The following ABCA5 variants were observed in gnomAD, a reference collection of about 807,000 sequenced individuals.
ABCA5 encodes the protein ATP binding cassette subfamily A member 5.
Under a neutral mutation model 206.0 loss-of-function variants are expected in ABCA5, and 163 were observed. The ratio of observed to expected loss-of-function variants is 0.79; its 90% CI spans 0.70 to 0.90. The LOEUF (loss-of-function observed/expected upper bound fraction) is 0.90, where lower values mean the gene tolerates loss of function less well. Ranked by LOEUF, ABCA5 falls within the 40% of genes least tolerant of loss-of-function variation. ABCA5 has a pLI of 0.00. For synonymous variants in ABCA5, 609 were observed against 613.8 expected (o/e 0.99, Z 0.11); for missense variants, 1,859 against 1,912.9 (o/e 0.97, Z 0.53).
chr17:69,321,614 C>T (rs761999649), intron 1 of ABCA5, among the ~76,000 whole-genome samples: 49 of 152,238 alleles, frequency 3.2e-4, no homozygotes, highest in Non-Finnish European at 5.9e-4. Context: ...GGAGTTCACT[C>T]ACTAGCAGCT....
At chr17:69,303,362 C>T (rs1445212328) in intron 7 of ABCA5, among the ~76,000 whole-genome samples, 1 of 152,092 alleles carries the variant, frequency 6.6e-6, no homozygotes, top group Middle Eastern at 3.2e-3. Context: ...AAGCAATCTT[C>T]TTGCCTTGCC....
chr17:69,322,554 T>A (rs1465924863), intron 1 of ABCA5, among the ~76,000 whole-genome samples: 1 of 152,092 alleles, frequency 6.6e-6, no homozygotes, highest in East Asian at 1.9e-4. Context: ...TTTTTTAAAA[T>A]CTAAGGTAGT....
At chr17:69,278,076 T>C (rs1467535776) in intron 18 of ABCA5, among the ~76,000 whole-genome samples, 3 of 151,886 alleles carry the variant, frequency 2.0e-5, no homozygotes, top group African/African-American at 4.8e-5. Context: ...CCAAAACACA[T>C]GTACAAGAAC....
chr17:69,309,289 C>T lies in ABCA5; in HGVS notation c.442G>A (p.Val148Ile), dbSNP rs780161701. The T allele has an allele frequency of 3.3e-5, 52 of 1,588,884 alleles. 1 individual carries two copies. Among genetic ancestry groups the T allele is most frequent in the Non-Finnish European group, 4.3e-5 (50 of 1,172,712 alleles). ...CTTGAATCCATATAAATAGAAGATA[C>T]TGGAATCATATCAGGAAAAAAACGA... ...ELRFFPDMIP[V>I]SSIYMDSRAG... is the part of the protein sequence containing the mutation. Residue 148 changes from valine (V) to isoleucine (I), a missense_variant, in exon 4 of 39, where the codon GTA becomes ATA. Val to Ile is a conservative substitution (Grantham distance 29, BLOSUM62 3). Coordinates refer to ENST00000392676, the MANE Select transcript of ABCA5 (RefSeq NM_172232.4).
intron 25 of ABCA5, 147 bp from the exon 26 acceptor site, chr17:69,261,406 CTT>C: frequency 2.6e-6 from 2 of 766,856 alleles, no homozygotes; most frequent in Admixed American, 6.4e-5. Context: ...AAGAATACCA[CTT>C]GTTTGTAGCT....
At chr17:69,271,630 G>A (rs563897693) in intron 20 of ABCA5, among the ~76,000 whole-genome samples, 3 of 151,724 alleles carry the variant, frequency 2.0e-5, no homozygotes, top group East Asian at 1.9e-4. Context: ...TAGTAACTGC[G>A]CATATTTTAG....
Position 69,297,275 on chromosome 17 carries a change from G to GTTACCATTCCATTCCGCAACATATAT in ABCA5, c.1351_1352insATATATGTTGCGGAATGGAATGGTAA (p.Ser451TyrfsTer9). The GTTACCATTCCATTCCGCAACATATAT allele has an allele frequency of 6.2e-7, 1 of 1,612,632 alleles. No homozygotes were observed. The highest frequency in any genetic ancestry group is 1.7e-5 in the Admixed American group (1 of 59,838). ...AATATTTCCATTAACATTGCCCTCT[G>GTTACCATTCCATTCCGCAACATATAT]ATAACTCCTCATAATTTCTTTTGCT... is the stretch of plus-strand genomic sequence containing the variant. On this transcript the variant is annotated stop_gained and frameshift_variant, in exon 10 of 39. Coordinates refer to ENST00000392676, the MANE Select transcript of ABCA5 (RefSeq NM_172232.4). LOFTEE classifies it high-confidence loss of function.
At chr17:69,277,341 C>T (rs1021179682) in intron 19 of ABCA5, among the ~76,000 whole-genome samples, 9 of 151,896 alleles carry the variant, frequency 5.9e-5, no homozygotes, top group African/African-American at 2.2e-4. Flanking sequence ...AATCTGTGCT[C>T]CCAGGTGAAA....
At position 69,326,504 on chromosome 17, in the gene ABCA5, A is replaced by C. The variant is rs1001470575; in HGVS notation, c.-16+548T>G. 2.0e-5 allele frequency among the ~76,000 whole-genome samples: 3 copies of C among 152,130 alleles called. No homozygotes were observed. The highest frequency in any genetic ancestry group is 7.2e-5 in the African/African-American group (3 of 41,412). ...TCCTATTCGTGTTTTAGGATCAGGG[A>C]ATTTCCCTCCCAAACTGTGTCATGA... On this transcript the variant is annotated intron_variant, in intron 1 of 38. Transcript: ENST00000392676. The surrounding 1 kb of genome is among the most constrained non-coding windows in gnomAD (Gnocchi z 4.8).
At chr17:69,321,434 C>T (rs190557757) in intron 1 of ABCA5, among the ~76,000 whole-genome samples, 149 of 152,272 alleles carry the variant, frequency 9.8e-4, no homozygotes, top group Middle Eastern at 3.4e-3. Flanking sequence ...ACAAGAAACC[C>T]CGTATTTAGC....
intron 36 of ABCA5, 121 bp from the exon 37 acceptor site, chr17:69,250,105 G>T: frequency 3.1e-6 from 2 of 649,198 alleles, no homozygotes; most frequent in Non-Finnish European, 4.7e-6. Context: ...GTATTTAGTT[G>T]GATGAAAATT....
intron 29 of ABCA5, 130 bp from the exon 30 acceptor site, chr17:69,255,980 C>A: frequency 9.1e-7 from 1 of 1,097,120 alleles, no homozygotes; most frequent in Non-Finnish European, 1.3e-6. Context: ...AATAAATATC[C>A]ATTTATGACT....
chr17:69,302,603 TA>T (rs2075663376), intron 8 of ABCA5, 114 bp downstream of exon 8: 3 of 623,636 alleles, frequency 4.8e-6, no homozygotes, highest in Non-Finnish European at 7.1e-6. Flanking sequence ...TTCCTCATGC[TA>T]AAATTTTAAA....
At position 69,287,689 on chromosome 17, in the gene ABCA5, A is replaced by T. The variant is rs2075473710; in HGVS notation, c.1965T>A (p.Asn655Lys). The T allele has an allele frequency of 1.9e-6, 3 of 1,613,890 alleles. No homozygotes were observed. ...GATTGGCTTTTCTGTATTTTAAAAGATTCCATACAATATGTCGAGAACAGG... is the reference window on the plus strand; with the variant it reads ...GATTGGCTTTTCTGTATTTTAAAAGTTTCCATACAATATGTCGAGAACAGG... ...MDPCSRHIVW[N>K]LLKYRKANRV... Residue 655 changes from asparagine to lysine, a missense_variant, in exon 15 of 39, where the codon AAT (asparagine) becomes AAA (lysine). By Grantham distance (94) the Asn-to-Lys change is moderately conservative. Transcript: ENST00000392676.
At chr17:69,250,859 A>T (rs2075005114) in intron 35 of ABCA5, 1 of 253,448 alleles carries the variant, frequency 3.9e-6, no homozygotes, top group East Asian at 8.4e-5. Context: ...ATTCCTTGTC[A>T]CTGAACTCCA....
At chr17:69,273,684 G>A (rs2144941929) in intron 20 of ABCA5, among the ~76,000 whole-genome samples, 1 of 152,114 alleles carries the variant, frequency 6.6e-6, no homozygotes, top group South Asian at 2.1e-4. Flanking sequence ...TCGATCCCCT[G>A]ACCTCAGGTG....
chr17:69,255,139 G>A (rs1362481520), intron 31 of ABCA5, among the ~76,000 whole-genome samples: 1 of 152,142 alleles, frequency 6.6e-6, no homozygotes, highest in Non-Finnish European at 1.5e-5. Flanking sequence ...CAAGGGGAGA[G>A]AAGCAGGAAA....
intron 1 of ABCA5, among the ~76,000 whole-genome samples, chr17:69,319,652 A>T (rs996106660): frequency 1.5e-4 from 23 of 152,248 alleles, no homozygotes; most frequent in Admixed American, 2.0e-4. Flanking sequence ...TTTAAGAAAG[A>T]AAGTTTACAC....
In ABCA5 at chr17:69,308,307, T is replaced by G; in HGVS notation, c.531A>C (p.Gln177His). 1 of 1,611,384 alleles carries G rather than the reference T, an allele frequency of 6.2e-7. No individual in the cohort carries two copies. Among genetic ancestry groups the G allele is most frequent in the Non-Finnish European group, 8.5e-7 (1 of 1,178,010 alleles). Residue 177 changes from glutamine to histidine, a missense_variant, in exon 5 of 39, where the codon CAA becomes CAC. Transcript: ENST00000392676. Reference protein sequence around the residue: ...QYWSSGFTVLQASIDAAIIQL... With the variant: ...QYWSSGFTVLHASIDAAIIQL... ...GTATAATGGCAGCATCTATGGATGCTTGTAAAACTGTGAAACCTGAGGACC... is the reference window on the plus strand; with the variant it reads ...GTATAATGGCAGCATCTATGGATGCGTGTAAAACTGTGAAACCTGAGGACC...
Sources: allele counts gnomAD v4.1 joint callset (sites outside exome capture counted in the v4.1 genomes callset), GRCh38; gene constraint gnomAD v4.1.1; non-coding constraint Gnocchi (gnomAD v3.1); transcripts MANE v1.5; gene names NCBI Gene and HGNC (gene_info 2026-07-23, HGNC 2026-07-21).